RANBP3L: variants seen among roughly 807,000 people sequenced by gnomAD.
RANBP3L encodes ran-binding protein 3-like.
RANBP3L carries 56 observed loss-of-function variants against 67.2 expected under a neutral mutation model. The ratio of observed to expected loss-of-function variants is 0.83; its 90% CI spans 0.67 to 1.04. RANBP3L has a LOEUF of 1.04. Among genes scored for constraint, RANBP3L ranks in the 50% least tolerant of loss-of-function variants. The pLI is 0.00. For missense variants in RANBP3L, 496 were observed against 535.5 expected (o/e 0.93, Z 0.73); for synonymous variants, 164 against 181.4 (o/e 0.90, Z 0.77).
chr5:36,255,612 T>C, intron 10 of RANBP3L, 22 bp from the exon 11 acceptor site: 1 of 1,577,350 alleles, frequency 6.3e-7, no homozygotes, highest in East Asian at 2.2e-5. Context: ...TTTTTTAAAA[T>C]GTCAAATATA....
At chr5:36,282,566 C>T (rs1175801262) in intron 1 of RANBP3L, among the ~76,000 whole-genome samples, 1 of 152,182 alleles carries the variant, frequency 6.6e-6, no homozygotes, top group Non-Finnish European at 1.5e-5. Flanking sequence ...ATTCCAACTT[C>T]TTCCAATTCT....
Position 36,269,936 on chromosome 5 carries a change from G to A in RANBP3L, c.190+15C>T. On this transcript the variant is annotated intron_variant, in intron 3 of 13. Coordinates refer to ENST00000296604, the MANE Select transcript of RANBP3L (RefSeq NM_145000.5). ...TATAAAGATTGATTTTGGAATACAG[G>A]ATGAAAATCATTACCTGGTTCTGCT... is the stretch of plus-strand genomic sequence containing the variant. The A allele has an allele frequency of 1.2e-6, 2 of 1,608,130 alleles. No individual in the cohort carries two copies. Among genetic ancestry groups the A allele is most frequent in the Non-Finnish European group, 1.7e-6 (2 of 1,174,538 alleles).
chr5:36,274,851 G>T (rs1218972044), intron 1 of RANBP3L, among the ~76,000 whole-genome samples: 1 of 152,022 alleles, frequency 6.6e-6, no homozygotes, highest in African/African-American at 2.4e-5. Context: ...TGATGAGGCT[G>T]CTCTTTTTTC....
intron 1 of RANBP3L, among the ~76,000 whole-genome samples, chr5:36,275,973 A>G (rs1750539628): frequency 1.3e-5 from 2 of 152,190 alleles, no homozygotes; most frequent in Admixed American, 1.3e-4. Context: ...TTAAAAAATA[A>G]TCCCCTTTCT....
At chr5:36,282,279 G>A (rs143834905) in intron 1 of RANBP3L, among the ~76,000 whole-genome samples, 13 of 152,144 alleles carry the variant, frequency 8.5e-5, no homozygotes, top group East Asian at 1.9e-4. Context: ...AGGCACATAC[G>A]CAAGTCTAAA....
chr5:36,275,771 G>A (rs1444521308), intron 1 of RANBP3L, among the ~76,000 whole-genome samples: 1 of 152,100 alleles, frequency 6.6e-6, no homozygotes, highest in Non-Finnish European at 1.5e-5. Context: ...ACCGTGGTGT[G>A]TGGAGATACG....
At chr5:36,284,239 G>C (rs960490690) in intron 1 of RANBP3L, among the ~76,000 whole-genome samples, 1 of 152,154 alleles carries the variant, frequency 6.6e-6, no homozygotes, top group Non-Finnish European at 1.5e-5. Context: ...CTTGTTAAAA[G>C]TCTAGATCTT....
intron 1 of RANBP3L, among the ~76,000 whole-genome samples, chr5:36,285,551 T>A (rs1284117673): frequency 1.3e-5 from 2 of 152,198 alleles, no homozygotes; most frequent in Admixed American, 1.3e-4. Flanking sequence ...TGCCTTATTG[T>A]TAAAAAATGT....
chr5:36,251,429 T>C lies in RANBP3L; in HGVS notation c.1238A>G (p.Asn413Ser), dbSNP rs1009682485. ...AGCTTGATTGACATCTCTCTGCTTATTGAAGCTTTGAAGTGCAACAAGACG... is the reference window on the plus strand; with the variant it reads ...AGCTTGATTGACATCTCTCTGCTTACTGAAGCTTTGAAGTGCAACAAGACG... The part of the protein sequence containing the change: ...HHRLVALQSF[N>S]KQRDVNQAES... The change falls in exon 13 of 14, where the codon AAT (asparagine) becomes AGT (serine). Residue 413 changes from asparagine to serine, a missense_variant. Physicochemically the swap from Asn to Ser is conservative, Grantham distance 46. Transcript: ENST00000296604. 1 of 1,613,094 alleles carries C rather than the reference T, an allele frequency of 6.2e-7. No homozygotes were observed. Among genetic ancestry groups the C allele is most frequent in the Non-Finnish European group, 8.5e-7 (1 of 1,179,408 alleles).
rs1217634375 is a variant in RANBP3L at position 36,301,453 on chromosome 5, G to A, written c.-37C>T. The A allele has an allele frequency of 6.6e-7, 1 of 1,525,810 alleles. No homozygotes were observed. The highest frequency in any genetic ancestry group is 9.1e-7 in the Non-Finnish European group (1 of 1,103,428). The allele number at this position is 1,525,810 out of a possible 1,614,324, so 94.5% of individuals were successfully genotyped here. On this transcript the variant is annotated 5_prime_UTR_variant, in exon 1 of 14. Transcript: ENST00000296604. Reference sequence around the variant, plus strand: ...TATGGCTGTGACTCAAGGATCACTAGGGCACCTCCTTCTCTGGCCAGTCAC... The same window carrying A: ...TATGGCTGTGACTCAAGGATCACTAAGGCACCTCCTTCTCTGGCCAGTCAC...
At chr5:36,259,237 G>T (rs184306525) in intron 8 of RANBP3L, among the ~76,000 whole-genome samples, 1 of 151,634 alleles carries the variant, frequency 6.6e-6, no homozygotes, top group Non-Finnish European at 1.5e-5. Flanking sequence ...TGACAGAAGG[G>T]TTCCTAAATA....
rs76350883 is a variant in RANBP3L, at chr5:36,270,165, G to T, written c.151-175C>A. Among the ~76,000 whole-genome samples the T allele has an allele frequency of 1.8e-3, 269 of 152,316 alleles. 1 individual carries two copies. Among genetic ancestry groups the T allele is most frequent in the African/African-American group, 6.2e-3 (256 of 41,574 alleles). ...CACTTTACAGAATTCTCAGAAGCCA[G>T]GGCTAATAAGCCCGGCCAGGACAAA... On this transcript the variant is annotated intron_variant, in intron 2 of 13. Transcript: ENST00000296604.
chr5:36,288,753 C>G (rs1751501469), intron 1 of RANBP3L, among the ~76,000 whole-genome samples: 1 of 152,048 alleles, frequency 6.6e-6, no homozygotes, highest in Non-Finnish European at 1.5e-5. Flanking sequence ...GTGCTTTTGG[C>G]CATTTATATA....
chr5:36,300,299 A>G (rs1040860538), intron 1 of RANBP3L, among the ~76,000 whole-genome samples: 2 of 152,186 alleles, frequency 1.3e-5, no homozygotes, highest in Non-Finnish European at 2.9e-5. Flanking sequence ...TTCATTTACC[A>G]TGAAGTATTT....
At chr5:36,251,214 A>T in intron 13 of RANBP3L, 99 bp downstream of exon 13, 1 of 964,260 alleles carries the variant, frequency 1.0e-6, no homozygotes, top group Non-Finnish European at 1.5e-6. Flanking sequence ...AACTTTAAAC[A>T]GAGCAGTTCC....
At position 36,295,556 on chromosome 5, in the gene RANBP3L, G is replaced by A. The variant is rs557207592; in HGVS notation, c.91+5770C>T. Among the ~76,000 whole-genome samples, 6 of 152,076 alleles carry A rather than the reference G, an allele frequency of 3.9e-5. No homozygotes were observed. In the South Asian group the frequency reaches 1.2e-3, roughly 32 times the overall value. Reference sequence around the variant, plus strand: ...CTCAGGGAGTTCTTTATAGCAGCATGAGAACAGACTAATACATTGCCATAG... The same window carrying A: ...CTCAGGGAGTTCTTTATAGCAGCATAAGAACAGACTAATACATTGCCATAG... On this transcript the variant is annotated intron_variant, in intron 1 of 13. Transcript: ENST00000296604.
chr5:36,271,202 T>C (rs1750183281), intron 2 of RANBP3L, 51 bp downstream of exon 2: 2 of 1,035,128 alleles, frequency 1.9e-6, no homozygotes, highest in Admixed American at 1.8e-5. Flanking sequence ...CTTCCTGAAA[T>C]ATAATTGTCT....
In RANBP3L at chr5:36,251,378, T is replaced by C; in HGVS notation, c.1289A>G (p.Gln430Arg). 6.2e-7 allele frequency: 1 copy of C among 1,613,494 alleles called. No individual in the cohort carries two copies. The highest frequency in any genetic ancestry group is 8.5e-7 in the Non-Finnish European group (1 of 1,179,638). The stretch of plus-strand genomic sequence containing the variant: ...CTCATCACAGCTTTCGCAGTTCAAT[T>C]GTTGGGCTGTTTCTGACAGGCTTTC... ...QAESLSETAQQLNCESCDENE... is the reference protein window; with the variant it reads ...QAESLSETAQRLNCESCDENE... Residue 430 changes from glutamine to arginine, a missense_variant, in exon 13 of 14, where the codon CAA becomes CGA. By Grantham distance (43) the Gln-to-Arg change is conservative. Transcript: ENST00000296604.
intron 1 of RANBP3L, among the ~76,000 whole-genome samples, chr5:36,293,665 G>A (rs1751972971): frequency 1.4e-5 from 2 of 143,266 alleles, no homozygotes; most frequent in Admixed American, 7.2e-5. Flanking sequence ...TAATCATGTG[G>A]TTTTTGTCGT....
Sources: allele counts gnomAD v4.1 joint callset (sites outside exome capture counted in the v4.1 genomes callset), GRCh38; gene constraint gnomAD v4.1.1; transcripts MANE v1.5; gene names NCBI Gene and HGNC (gene_info 2026-07-23, HGNC 2026-07-21).